The following HSDL1 variants were observed in gnomAD, a reference collection of about 807,000 sequenced individuals.
The protein encoded by HSDL1 is inactive hydroxysteroid dehydrogenase-like protein 1.
HSDL1 carries 29 observed loss-of-function variants against 31.5 expected under a neutral mutation model. The observed-to-expected ratio is 0.92, with a 90% CI of 0.69 to 1.26. The LOEUF (loss-of-function observed/expected upper bound fraction) is 1.26, where lower values mean the gene tolerates loss of function less well. HSDL1 is among the 50% of genes most tolerant of loss of function. The pLI is 0.00. For missense variants in HSDL1, 503 were observed against 416.6 expected (o/e 1.21, Z -1.81); for synonymous variants, 222 against 155.2 (o/e 1.43, Z -3.20).
rs2086659588 is a variant in HSDL1, at chr16:84,131,099, T to A, written c.220+3A>T. Reference sequence around the variant, plus strand: ...AGATTATTTTGATTATAAAGTAGGTTACCGCTGACAACGGCCCATCTTCCA... The same window carrying A: ...AGATTATTTTGATTATAAAGTAGGTAACCGCTGACAACGGCCCATCTTCCA... On this transcript the variant is annotated splice_donor_region_variant and intron_variant, in intron 3 of 5. Coordinates refer to ENST00000219439, the MANE Select transcript of HSDL1 (RefSeq NM_031463.5). 9 of 1,601,820 alleles carry A rather than the reference T, an allele frequency of 5.6e-6. No individual in the cohort carries two copies. Among genetic ancestry groups the A allele is most frequent in the Non-Finnish European group, 6.8e-6 (8 of 1,170,374 alleles).
At chr16:84,134,765 C>CAATTACCTGTATGT (rs2086697712) in intron 2 of HSDL1, among the ~76,000 whole-genome samples, 2 of 152,130 alleles carry the variant, frequency 1.3e-5, no homozygotes, top group African/African-American at 4.8e-5. Context: ...AATGCAAAAA[C>CAATTACCTGTATGT]AATTACCTGT....
In HSDL1 at chr16:84,130,117, C is replaced by T. The variant is rs1184413703; in HGVS notation, c.535G>A (p.Ala179Thr). 4 of 1,614,162 alleles carry T rather than the reference C, an allele frequency of 2.5e-6. No homozygotes were observed. The highest frequency in any genetic ancestry group is 3.4e-6 in the Non-Finnish European group (4 of 1,180,040). ...KLWDIINVNI[A>T]AASLMVHVVL... ...ACATGGACCATCAAACTAGCGGCGG[C>T]AATGTTCACATTTATGATGTCCCAG... is the stretch of plus-strand genomic sequence containing the variant. Residue 179 changes from alanine (A) to threonine (T), a missense_variant, in exon 4 of 6, where the codon GCC (alanine) becomes ACC (threonine). Coordinates refer to ENST00000219439, the MANE Select transcript of HSDL1 (RefSeq NM_031463.5).
In HSDL1 at chr16:84,132,585, C is replaced by CATA. The variant is rs547790645; in HGVS notation, c.-6-1259_-6-1258insTAT. Among the ~76,000 whole-genome samples, 6 of 152,332 alleles carry CATA rather than the reference C, an allele frequency of 3.9e-5. No individual in the cohort carries two copies. The East Asian group carries it at 1.2e-3, about 29-fold the overall frequency. On this transcript the variant is annotated intron_variant, in intron 2 of 5. Coordinates refer to ENST00000219439, the MANE Select transcript of HSDL1 (RefSeq NM_031463.5). ...CTAAGCACCTACTATGTTCTATGTA[C>CATA]TGTGATTCAAAGGATTCACAGATGA...
rs2086714136 is a variant in HSDL1 at position 84,136,543 on chromosome 16, T to G, written c.-68-938A>C. The stretch of plus-strand genomic sequence containing the variant: ...GCTCAGGAGCGGACCACCCACAAAT[T>G]CCTTTGATCCTTTACAGAAAGAAAA... On this transcript the variant is annotated intron_variant, in intron 1 of 5. Coordinates refer to ENST00000219439, the MANE Select transcript of HSDL1 (RefSeq NM_031463.5). Among the ~76,000 whole-genome samples, 5 of 152,184 alleles carry G rather than the reference T, an allele frequency of 3.3e-5. No homozygotes were observed. The South Asian group carries it at 1.0e-3, about 32-fold the overall frequency.
At chr16:84,127,716 ATTT>A (rs758790146) in intron 5 of HSDL1, among the ~76,000 whole-genome samples, 2 of 124,696 alleles carry the variant, frequency 1.6e-5, no homozygotes, top group Admixed American at 8.0e-5. Flanking sequence ...TCACACTGGT[ATTT>A]TTTTTTTTTT....
intron 2 of HSDL1, among the ~76,000 whole-genome samples, chr16:84,134,374 G>T (rs932372379): frequency 1.3e-5 from 2 of 152,152 alleles, no homozygotes; most frequent in African/African-American, 4.8e-5. Flanking sequence ...TGTAATCCCA[G>T]CACTTTGGGA....
At chr16:84,129,835 GA>G (rs1178145340) in intron 4 of HSDL1, 60 bp from the exon 5 acceptor site, 14 of 1,482,890 alleles carry the variant, frequency 9.4e-6, no homozygotes, top group Non-Finnish European at 1.2e-5. Context: ...AAATTCAGGA[GA>G]AAAAAAGACT....
At chr16:84,138,565 T>A (rs1336278682) in intron 1 of HSDL1, among the ~76,000 whole-genome samples, 3 of 152,228 alleles carry the variant, frequency 2.0e-5, no homozygotes, top group Non-Finnish European at 1.5e-5. Context: ...TATCAAATCA[T>A]GTTGTACACC....
chr16:84,136,345 C>A (rs1250442668), intron 1 of HSDL1, among the ~76,000 whole-genome samples: 1 of 152,260 alleles, frequency 6.6e-6, no homozygotes, highest in African/African-American at 2.4e-5. Flanking sequence ...TGCATTGCAA[C>A]TGTTCTGTCT....
chr16:84,132,447 G>A (rs1253393347), intron 2 of HSDL1, among the ~76,000 whole-genome samples: 1 of 152,154 alleles, frequency 6.6e-6, no homozygotes, highest in Non-Finnish European at 1.5e-5. Context: ...AATAGAGGGA[G>A]CACTCCTCCA....
intron 2 of HSDL1, among the ~76,000 whole-genome samples, chr16:84,133,182 A>C (rs2086684065): frequency 6.6e-6 from 1 of 152,144 alleles, no homozygotes; most frequent in South Asian, 2.1e-4. Flanking sequence ...GAATGGCACC[A>C]TATTGTGATA....
At chr16:84,125,670 T>C (rs920372746) in intron 5 of HSDL1, among the ~76,000 whole-genome samples, 1 of 152,236 alleles carries the variant, frequency 6.6e-6, no homozygotes, top group Non-Finnish European at 1.5e-5. Context: ...GCCTAAGATC[T>C]TACCCTAGAT....
intron 5 of HSDL1, among the ~76,000 whole-genome samples, chr16:84,125,744 G>A (rs2086599882): frequency 6.6e-6 from 1 of 152,232 alleles, no homozygotes; most frequent in South Asian, 2.1e-4. Context: ...AGGCTGGACT[G>A]TCCTGCATGT....
chr16:84,130,535 C>T, intron 3 of HSDL1, 104 bp from the exon 4 acceptor site: 3 of 935,438 alleles, frequency 3.2e-6, no homozygotes, highest in Non-Finnish European at 4.9e-6. Flanking sequence ...AAAATTCACA[C>T]TAGAAATCAA....
intron 1 of HSDL1, among the ~76,000 whole-genome samples, chr16:84,138,791 T>C (rs1202465002): frequency 6.6e-6 from 1 of 152,138 alleles, no homozygotes; most frequent in African/African-American, 2.4e-5. Flanking sequence ...GCAGGAGTCA[T>C]CAAAAACCTA....
At chr16:84,129,092 A>G (rs2086636164) in intron 5 of HSDL1, among the ~76,000 whole-genome samples, 1 of 152,182 alleles carries the variant, frequency 6.6e-6, no homozygotes, top group African/African-American at 2.4e-5. Context: ...AAGAAAATTT[A>G]GTGTCTTTGG....
intron 2 of HSDL1, among the ~76,000 whole-genome samples, chr16:84,134,772 C>T (rs2086697740): frequency 6.6e-6 from 1 of 152,128 alleles, no homozygotes; most frequent in East Asian, 1.9e-4. Flanking sequence ...AAACAATTAC[C>T]TGTATGTAAT....
intron 1 of HSDL1, among the ~76,000 whole-genome samples, chr16:84,137,429 G>A (rs1360243761): frequency 2.6e-5 from 4 of 152,224 alleles, no homozygotes; most frequent in African/African-American, 4.8e-5. Context: ...ATGCCTTCAC[G>A]CCAGACTGGA....
intron 1 of HSDL1, among the ~76,000 whole-genome samples, chr16:84,136,187 G>A (rs1370471806): frequency 6.6e-6 from 1 of 152,220 alleles, no homozygotes; most frequent in Admixed American, 6.5e-5. Flanking sequence ...CCCACCACCT[G>A]TCTAATCTCC....
Sources: allele counts gnomAD v4.1 joint callset (sites outside exome capture counted in the v4.1 genomes callset), GRCh38; gene constraint gnomAD v4.1.1; transcripts MANE v1.5; gene names NCBI Gene and HGNC (gene_info 2026-07-23, HGNC 2026-07-21).